PIEZO2: variants seen among roughly 807,000 people sequenced by gnomAD.
The protein encoded by PIEZO2 is piezo-type mechanosensitive ion channel component 2.
PIEZO2 carries 172 observed loss-of-function variants against 337.3 expected under a neutral mutation model. That is an observed-to-expected ratio of 0.51 (90% CI 0.45 to 0.58). The LOEUF (loss-of-function observed/expected upper bound fraction) is 0.58. PIEZO2 is among the 20% of genes least tolerant of loss of function. The pLI is 0.00. For missense variants in PIEZO2, 3,028 were observed against 3,391.3 expected, an observed-to-expected ratio of 0.89 and a Z score of 2.66; for synonymous variants, 1,251 against 1,228.5, an observed-to-expected ratio of 1.02 and a Z score of -0.38.
chr18:10,731,190 T>C (rs966807401), intron 36 of PIEZO2, among the ~76,000 whole-genome samples: 45 of 61,762 alleles, frequency 7.3e-4, no homozygotes, highest in African/African-American at 4.3e-3. Flanking sequence ...TATATATATA[T>C]ATATATATAT....
intron 4 of PIEZO2, among the ~76,000 whole-genome samples, chr18:10,906,357 G>A (rs961370554): frequency 6.6e-6 from 1 of 152,064 alleles, no homozygotes; most frequent in African/African-American, 2.4e-5. Context: ...TTAAAAACGG[G>A]CAAGAGATCA....
At position 10,759,828 on chromosome 18, in the gene PIEZO2, C is replaced by T. The variant is rs1473382746; in HGVS notation, c.3532G>A (p.Val1178Ile). 2 of 1,537,388 alleles carry T rather than the reference C, an allele frequency of 1.3e-6. No individual in the cohort carries two copies. The highest frequency in any genetic ancestry group is 1.7e-6 in the Non-Finnish European group (2 of 1,146,952). Residue 1178 changes from valine to isoleucine, a missense_variant, in exon 25 of 56, where the codon GTC (valine) becomes ATC (isoleucine). Around this residue, in one of 5 missense-constraint regions of PIEZO2, gnomAD observed 1,925 missense variants for 2,051.9 expected, o/e 0.94. Transcript: ENST00000674853. The surrounding 1 kb of genome is among the most constrained non-coding windows in gnomAD (Gnocchi z 5.5). ...GCTTTCCTTCTGCGTCTATATAAGA[C>T]AGCGATCAGCCAGCAGGCGTGGATC... is the stretch of plus-strand genomic sequence containing the variant. ...AMIHACWLIA[V>I]LYRRRRKAIA...
intron 49 of PIEZO2, among the ~76,000 whole-genome samples, chr18:10,687,308 C>A (rs1054340215): frequency 6.6e-6 from 1 of 151,918 alleles, no homozygotes; most frequent in African/African-American, 2.4e-5. Context: ...ATGACAGGCC[C>A]GCCCCAGTGT....
chr18:10,977,572 G>T (rs1293825665), intron 3 of PIEZO2, among the ~76,000 whole-genome samples: 1 of 151,978 alleles, frequency 6.6e-6, no homozygotes, highest in Non-Finnish European at 1.5e-5. Flanking sequence ...AGTCCCAAAA[G>T]ATGTGAACCT....
At position 11,021,932 on chromosome 18, in the gene PIEZO2, G is replaced by A. The variant is rs1351871893; in HGVS notation, c.161-42272C>T. ...TTCCTAGTTGTTCCTAAATCCCTGT[G>A]CCCCTTGCAGAGTCACCACGTGTGA... On this transcript the variant is annotated intron_variant, in intron 2 of 55. Transcript: ENST00000674853. The surrounding 1 kb of genome is among the most constrained non-coding windows in gnomAD (Gnocchi z 4.7). Among the ~76,000 whole-genome samples the A allele has an allele frequency of 6.6e-6, 1 of 152,134 alleles. No individual in the cohort carries two copies. Among genetic ancestry groups the A allele is most frequent in the Non-Finnish European group, 1.5e-5 (1 of 68,026 alleles).
At chr18:11,000,134 A>G (rs1001840336) in intron 2 of PIEZO2, among the ~76,000 whole-genome samples, 4 of 152,206 alleles carry the variant, frequency 2.6e-5, no homozygotes, top group African/African-American at 9.7e-5. Flanking sequence ...GGAACATCAC[A>G]AAAGCAAATG....
intron 11 of PIEZO2, 124 bp from the exon 12 acceptor site, chr18:10,797,646 T>G: frequency 7.1e-7 from 1 of 1,417,780 alleles, no homozygotes; most frequent in Non-Finnish European, 9.2e-7. Context: ...CAGAAATTGT[T>G]TCCCATTCAT....
intron 7 of PIEZO2, among the ~76,000 whole-genome samples, chr18:10,832,516 C>A (rs191565148): frequency 1.3e-5 from 2 of 152,166 alleles, no homozygotes; most frequent in African/African-American, 4.8e-5. Context: ...ATGCCTACAG[C>A]GCCTAGTAAG....
rs2041066675 is a variant in PIEZO2 at position 10,837,866 on chromosome 18, C to T, written c.917+17487G>A. Among the ~76,000 whole-genome samples the T allele has an allele frequency of 6.6e-6, 1 of 152,164 alleles. No homozygotes were observed. Among genetic ancestry groups the T allele is most frequent in the South Asian group, 2.1e-4 (1 of 4,826 alleles). On this transcript the variant is annotated intron_variant, in intron 7 of 55. Coordinates refer to ENST00000674853, the MANE Select transcript of PIEZO2 (RefSeq NM_001378183.1). The surrounding 1 kb of genome is among the most constrained non-coding windows in gnomAD (Gnocchi z 4.4). ...TCCCAGGTTCAAGTGATTCTCCTGC[C>T]TCAGCCTCCCGAGTAGCTGGGATTA...
Position 10,696,491 on chromosome 18 carries a change from G to C in PIEZO2, c.6876C>G (p.Ile2292Met). 6.2e-7 allele frequency: 1 copy of C among 1,614,082 alleles called. No individual in the cohort carries two copies. Among genetic ancestry groups the C allele is most frequent in the Non-Finnish European group, 8.5e-7 (1 of 1,180,046 alleles). ...VPIKQFFYNL[I>M]HPEYSAVTDV... ...CAGTCACGGCGCTATACTCCGGGTGGATGAGGTTGTAAAAGAACTGTTTGA... is the reference window on the plus strand; with the variant it reads ...CAGTCACGGCGCTATACTCCGGGTGCATGAGGTTGTAAAAGAACTGTTTGA... Residue 2292 changes from isoleucine (I) to methionine (M), a missense_variant, in exon 46 of 56, where the codon ATC (isoleucine) becomes ATG (methionine). Coordinates refer to ENST00000674853, the MANE Select transcript of PIEZO2 (RefSeq NM_001378183.1).
chr18:10,998,373 C>T (rs1347249631), intron 2 of PIEZO2, among the ~76,000 whole-genome samples: 1 of 151,912 alleles, frequency 6.6e-6, no homozygotes, highest in Non-Finnish European at 1.5e-5. Context: ...CACACACACA[C>T]ACACACTCCT....
chr18:10,720,527 A>G (rs2036267784), intron 36 of PIEZO2, among the ~76,000 whole-genome samples: 1 of 143,132 alleles, frequency 7.0e-6, no homozygotes, highest in Admixed American at 7.3e-5. Flanking sequence ...GTGTGATCAT[A>G]GCTCACTGCA....
rs2036112789 is a variant in PIEZO2 at position 11,016,201 on chromosome 18, C to T, written c.161-36541G>A. Among the ~76,000 whole-genome samples the T allele has an allele frequency of 6.6e-6, 1 of 152,206 alleles. No individual in the cohort carries two copies. Among genetic ancestry groups the T allele is most frequent in the African/African-American group, 2.4e-5 (1 of 41,446 alleles). On this transcript the variant is annotated intron_variant, in intron 2 of 55. Coordinates refer to ENST00000674853, the MANE Select transcript of PIEZO2 (RefSeq NM_001378183.1). The surrounding 1 kb of genome is among the most constrained non-coding windows in gnomAD (Gnocchi z 5.6). ...GGAAGGAAATGAGCCCTTTGACATT[C>T]ACTCTCTTTGAAACTGTCATCCCAC... is the stretch of plus-strand genomic sequence containing the variant.
chr18:10,824,921 T>C lies in PIEZO2; in HGVS notation c.918-17647A>G, dbSNP rs1197959031. Among the ~76,000 whole-genome samples the C allele has an allele frequency of 2.0e-5, 3 of 152,160 alleles. No homozygotes were observed. Among genetic ancestry groups the C allele is most frequent in the Admixed American group, 1.3e-4 (2 of 15,284 alleles). On this transcript the variant is annotated intron_variant, in intron 7 of 55. Transcript: ENST00000674853. The surrounding 1 kb of genome is among the most constrained non-coding windows in gnomAD (Gnocchi z 4.4). ...CTCTGTCACCCAGGCTGGAGTGCAG[T>C]GGTGTGATCTTGGCTCACTGCAACC...
Position 10,904,543 on chromosome 18 carries a change from C to T in PIEZO2, c.329+6643G>A, listed in dbSNP as rs539596346. 2.3e-3 allele frequency among the ~76,000 whole-genome samples: 350 copies of T among 152,310 alleles called. 2 individuals are homozygous for T. Among genetic ancestry groups the T allele is most frequent in the African/African-American group, 7.1e-3 (296 of 41,560 alleles). On this transcript the variant is annotated intron_variant, in intron 4 of 55. Transcript: ENST00000674853. ...AGGAGCGTGCTTCTGTGCCCACAGG[C>T]CTTGGGCTTGGCACCTGGAAGTAGG...
At position 10,837,492 on chromosome 18, in the gene PIEZO2, C is replaced by T. The variant is rs1314499543; in HGVS notation, c.917+17861G>A. Among the ~76,000 whole-genome samples, 8 of 152,156 alleles carry T rather than the reference C, an allele frequency of 5.3e-5. No homozygotes were observed. The highest frequency in any genetic ancestry group is 5.2e-4 in the Admixed American group (8 of 15,268). On this transcript the variant is annotated intron_variant, in intron 7 of 55. Coordinates refer to ENST00000674853, the MANE Select transcript of PIEZO2 (RefSeq NM_001378183.1). This position sits in a 1 kb window ranked among gnomAD's most constrained non-coding sequence, Gnocchi z 4.4. ...GATGACCCATCCTTACCACCATGCA[C>T]ATCCTTTAGAATGTTGGGGCCAGCA...
At chr18:10,865,856 A>G (rs1166672900) in intron 5 of PIEZO2, among the ~76,000 whole-genome samples, 22 of 151,998 alleles carry the variant, frequency 1.4e-4, no homozygotes, top group Admixed American at 1.4e-3. Flanking sequence ...GCTCTACTCT[A>G]CCCCCCAAGA....
chr18:10,790,983 C>T (rs904973956), intron 14 of PIEZO2, among the ~76,000 whole-genome samples: 6 of 152,182 alleles, frequency 3.9e-5, no homozygotes, highest in Admixed American at 2.6e-4. Context: ...GGATTACAGG[C>T]GCGAGCCACG....
In PIEZO2 at chr18:11,077,974, G is replaced by A. The variant is rs2038602015; in HGVS notation, c.65-11752C>T. Among the ~76,000 whole-genome samples the A allele has an allele frequency of 6.6e-6, 1 of 151,974 alleles. No homozygotes were observed. Among genetic ancestry groups the A allele is most frequent in the Non-Finnish European group, 1.5e-5 (1 of 67,980 alleles). Reference sequence around the variant, plus strand: ...ACTGGAAACAGCAATGGAAAAAGGGGTGACAGCCAAGGCCACAATACACAC... The same window carrying A: ...ACTGGAAACAGCAATGGAAAAAGGGATGACAGCCAAGGCCACAATACACAC... On this transcript the variant is annotated intron_variant, in intron 1 of 55. Transcript: ENST00000674853. This position sits in a 1 kb window ranked among gnomAD's most constrained non-coding sequence, Gnocchi z 4.8.
Sources: gnomAD v4.1 joint callset for allele counts (sites outside exome capture counted in the v4.1 genomes callset) on GRCh38, gnomAD v4.1.1 for gene constraint, gnomAD v4.1.1 regional missense constraint, Gnocchi (gnomAD v3.1) non-coding constraint, MANE v1.5 for transcripts, NCBI Gene and HGNC (gene_info 2026-07-23, HGNC 2026-07-21) for gene names.